The following TACC3 variants were observed in gnomAD, a reference collection of about 807,000 sequenced individuals.
The protein encoded by TACC3 is transforming acidic coiled-coil containing protein 3, also known as transforming acidic coiled-coil-containing protein 3.
In TACC3, 52 loss-of-function variants were observed where a neutral mutation model predicts 86.0. That is an observed-to-expected ratio of 0.60 (90% CI 0.48 to 0.76). TACC3 has a LOEUF of 0.76. Ranked by LOEUF, TACC3 falls within the 30% of genes least tolerant of loss-of-function variation. The pLI, the probability that TACC3 is intolerant of heterozygous loss-of-function variation, is 0.00. For missense variants in TACC3, 1,120 were observed against 1,070.4 expected, an observed-to-expected ratio of 1.05 and a Z score of -0.65; for synonymous variants, 512 against 430.0, an observed-to-expected ratio of 1.19 and a Z score of -2.36.
intron 3 of TACC3, 88 bp from the exon 4 acceptor site, chr4:1,727,620 A>G (rs1793997): frequency 0.43 from 647,874 of 1,513,096 alleles, 143,017 homozygotes; most frequent in Non-Finnish European, 0.46. Flanking sequence ...TGGTGTGAGA[A>G]TGTTAAACCT....
At chr4:1,725,124 G>C (rs529259165) in intron 3 of TACC3, among the ~76,000 whole-genome samples, 1 of 151,708 alleles carries the variant, frequency 6.6e-6, no homozygotes. Flanking sequence ...TAAATATGGG[G>C]TTTATCCGTG....
intron 6 of TACC3, among the ~76,000 whole-genome samples, chr4:1,732,755 G>A (rs1432531372): frequency 1.3e-5 from 2 of 152,230 alleles, no homozygotes; most frequent in Non-Finnish European, 2.9e-5. Context: ...TCGGGGAGGT[G>A]TGTTTCCGAG....
rs1343289975 is a variant in TACC3 at position 1,735,974 on chromosome 4, G to T, written c.1748+140G>T. 1.5e-6 allele frequency: 1 copy of T among 667,612 alleles called. No homozygotes were observed. The highest frequency in any genetic ancestry group is 2.5e-6 in the Non-Finnish European group (1 of 401,088). The allele number at this position is 667,612 out of a possible 1,614,324, so 41.4% of individuals were successfully genotyped here. On this transcript the variant is annotated intron_variant, in intron 8 of 15. Coordinates refer to ENST00000313288, the MANE Select transcript of TACC3 (RefSeq NM_006342.3). This position sits in a 1 kb window ranked among gnomAD's most constrained non-coding sequence, Gnocchi z 4.2. ...CTGGAAAGGAGCTGTGCTAGGGGTGGGCTGGGCAGCAAGGCCAGAGCAGCC... is the reference window on the plus strand; with the variant it reads ...CTGGAAAGGAGCTGTGCTAGGGGTGTGCTGGGCAGCAAGGCCAGAGCAGCC...
chr4:1,729,835 G>C (rs1256355758), intron 4 of TACC3, among the ~76,000 whole-genome samples: 2 of 152,072 alleles, frequency 1.3e-5, no homozygotes, highest in African/African-American at 4.8e-5. Context: ...ATTAACGGGT[G>C]CCTTCCCAGG....
At chr4:1,731,127 G>A in intron 5 of TACC3, 45 bp from the exon 6 acceptor site, 1 of 1,608,166 alleles carries the variant, frequency 6.2e-7, no homozygotes, top group Non-Finnish European at 8.5e-7. Flanking sequence ...CACACCCCAA[G>A]TACCTTGACT....
chr4:1,723,655 T>C (rs1717533129), intron 2 of TACC3, 72 bp downstream of exon 2: 1 of 1,611,170 alleles, frequency 6.2e-7, no homozygotes, highest in African/African-American at 1.3e-5. Flanking sequence ...ACCTCTGAGC[T>C]GCAGGACACT....
At position 1,731,358 on chromosome 4, in the gene TACC3, A is replaced by C. The variant is rs547307270; in HGVS notation, c.1591+57A>C. 1.5e-5 allele frequency: 24 copies of C among 1,589,370 alleles called. No individual in the cohort carries two copies. In the South Asian group the frequency reaches 2.7e-4, roughly 18 times the overall value. On this transcript the variant is annotated intron_variant, in intron 6 of 15. Coordinates refer to ENST00000313288, the MANE Select transcript of TACC3 (RefSeq NM_006342.3). Reference sequence around the variant, plus strand: ...TCTGCCCGGAGGGGATCCCGTGAGCACTTGGGCAGCTCGAGACACCTGCAT... The same window carrying C: ...TCTGCCCGGAGGGGATCCCGTGAGCCCTTGGGCAGCTCGAGACACCTGCAT...
rs545591400 is a variant in TACC3 at position 1,739,699 on chromosome 4, C to A, written c.1942-3C>A. 1.3e-6 allele frequency: 2 copies of A among 1,574,562 alleles called. No homozygotes were observed. The highest frequency in any genetic ancestry group is 1.7e-6 in the Non-Finnish European group (2 of 1,161,396). On this transcript the variant is annotated splice_polypyrimidine_tract_variant and splice_region_variant and intron_variant, in intron 10 of 15. Coordinates refer to ENST00000313288, the MANE Select transcript of TACC3 (RefSeq NM_006342.3). The stretch of plus-strand genomic sequence containing the variant: ...CCTGCTGACTTGGGTGTGGCCTGAG[C>A]AGGTAAAGGCGACACAGGAGGAGAA...
Position 1,730,948 on chromosome 4 carries a change from A to G in TACC3, c.1447A>G (p.Thr483Ala), listed in dbSNP as rs140172448. ...GGTGCAGTTGGCAGCCGAGACCCCA[A>G]CAGCAGAGAGCAAGGTAAGGGGTGC... ...PVVQLAAETP[T>A]AESKERALNS... The change falls in exon 5 of 16, where the codon ACA becomes GCA. Residue 483 changes from threonine (T) to alanine (A), a missense_variant. By Grantham distance (58) the Thr-to-Ala change is moderately conservative. Coordinates refer to ENST00000313288, the MANE Select transcript of TACC3 (RefSeq NM_006342.3). 87 of 1,613,340 alleles carry G rather than the reference A, an allele frequency of 5.4e-5. 1 individual carries two copies. Among genetic ancestry groups the G allele is most frequent in the South Asian group, 3.3e-5 (3 of 91,086 alleles).
In TACC3 at chr4:1,737,583, C is replaced by A. The variant is rs376055274; in HGVS notation, c.1837-15C>A. On this transcript the variant is annotated splice_polypyrimidine_tract_variant and intron_variant, in intron 9 of 15. Transcript: ENST00000313288. The stretch of plus-strand genomic sequence containing the variant: ...AGGGCGAAATGGGTTCCTGTTTCAT[C>A]CCCATCTCCCGCAGGTGCCAGGCCC... 1.3e-6 allele frequency: 2 copies of A among 1,489,428 alleles called. No individual in the cohort carries two copies. Among genetic ancestry groups the A allele is most frequent in the Non-Finnish European group, 1.8e-6 (2 of 1,113,278 alleles). The allele number at this position is 1,489,428 out of a possible 1,614,324, so 92.3% of individuals were successfully genotyped here.
At chr4:1,720,772 C>T, upstream of TACC3, 1 of 1,592,892 alleles carries the variant, frequency 6.3e-7, no homozygotes, top group South Asian at 1.1e-5. The surrounding 1 kb of genome is among the most constrained non-coding windows in gnomAD (Gnocchi z 4.4). Context: ...ACTCGTTGGG[C>T]GTGAACACGA....
rs767170101 is a variant in TACC3, at chr4:1,727,963, T to C, written c.561T>C (p.Ser187=). The change falls in exon 4 of 16, where the codon AGT becomes AGC. Residue 187 remains serine (S), a synonymous_variant. Coordinates refer to ENST00000313288, the MANE Select transcript of TACC3 (RefSeq NM_006342.3). ...SPEQAVEENL[S]SYSLDRRVTP... ...AGCAAGCCGTGGAGGAAAACCTTAG[T>C]TCCTATTCCTTAGACAGAAGAGTGA... is the stretch of plus-strand genomic sequence containing the variant. 6.2e-7 allele frequency: 1 copy of C among 1,613,568 alleles called. No individual in the cohort carries two copies. The highest frequency in any genetic ancestry group is 8.5e-7 in the Non-Finnish European group (1 of 1,180,020).
At chr4:1,742,495 G>A (rs940950816) in intron 13 of TACC3, among the ~76,000 whole-genome samples, 1 of 152,226 alleles carries the variant, frequency 6.6e-6, no homozygotes, top group Non-Finnish European at 1.5e-5. Context: ...TAAAGTAATT[G>A]TCTTCTGTAT....
intron 8 of TACC3, among the ~76,000 whole-genome samples, chr4:1,736,870 A>G (rs1358301318): frequency 6.6e-6 from 1 of 151,860 alleles, no homozygotes; most frequent in African/African-American, 2.4e-5. Flanking sequence ...AGATCATGCC[A>G]CTGCACTCCA....
rs574310755 is a variant in TACC3 at position 1,725,307 on chromosome 4, C to G, written c.305+1437C>G. Among the ~76,000 whole-genome samples, 742 of 152,226 alleles carry G rather than the reference C, an allele frequency of 4.9e-3. 6 individuals are homozygous for G. The highest frequency in any genetic ancestry group is 0.016 in the African/African-American group (684 of 41,536). On this transcript the variant is annotated intron_variant, in intron 3 of 15. Transcript: ENST00000313288. The stretch of plus-strand genomic sequence containing the variant: ...ACAGAATACCACTGATGCTTCTCAC[C>G]CCCTGAGATAAAATGTCACCAGTAA...
At chr4:1,730,668 C>G (rs778666280) in intron 4 of TACC3, 3 of 688,742 alleles carry the variant, frequency 4.4e-6, no homozygotes, top group South Asian at 1.5e-5. Flanking sequence ...TCTCCCAGAG[C>G]TGGCAGGCAA....
chr4:1,742,957 ACT>A (rs576678809), intron 13 of TACC3, among the ~76,000 whole-genome samples: 3 of 152,018 alleles, frequency 2.0e-5, no homozygotes, highest in South Asian at 2.1e-4. Context: ...ACAGAGCGAG[ACT>A]CTCTCAGAAA....
In TACC3 at chr4:1,735,402, C is replaced by T. The variant is rs984294756; in HGVS notation, c.1644+77C>T. On this transcript the variant is annotated intron_variant, in intron 7 of 15. Coordinates refer to ENST00000313288, the MANE Select transcript of TACC3 (RefSeq NM_006342.3). This position sits in a 1 kb window ranked among gnomAD's most constrained non-coding sequence, Gnocchi z 4.2. ...GCCACGGCAGGTCTTGCCCCCGGAGCGTCCCTTGGTGCCCACGTCCCCCCA... is the reference window on the plus strand; with the variant it reads ...GCCACGGCAGGTCTTGCCCCCGGAGTGTCCCTTGGTGCCCACGTCCCCCCA... The T allele has an allele frequency of 1.7e-5, 26 of 1,556,446 alleles. No homozygotes were observed. Among genetic ancestry groups the T allele is most frequent in the Admixed American group, 1.3e-4 (8 of 59,622 alleles).
intron 1 of TACC3, among the ~76,000 whole-genome samples, chr4:1,722,735 A>C (rs1010533112): frequency 1.3e-5 from 2 of 152,182 alleles, no homozygotes; most frequent in Non-Finnish European, 1.5e-5. Context: ...TGTAGACAGA[A>C]AGGGTGGCAA....
Sources: allele counts gnomAD v4.1 joint callset (sites outside exome capture counted in the v4.1 genomes callset), GRCh38; gene constraint gnomAD v4.1.1; non-coding constraint Gnocchi (gnomAD v3.1); transcripts MANE v1.5; gene names NCBI Gene and HGNC (gene_info 2026-07-23, HGNC 2026-07-21).